TRPC4: variants seen among roughly 807,000 people sequenced by gnomAD.
TRPC4 encodes the protein transient receptor potential cation channel subfamily C member 4.
In TRPC4, 49 loss-of-function variants were observed where a neutral mutation model predicts 99.4. The ratio of observed to expected loss-of-function variants is 0.49; its 90% confidence interval spans 0.39 to 0.63. The LOEUF is 0.63. TRPC4 is among the 20% of genes least tolerant of loss of function. The pLI, the probability that TRPC4 is intolerant of heterozygous loss-of-function variation, is 0.00. For missense variants in TRPC4, 898 were observed against 1,152.9 expected, an observed-to-expected ratio of 0.78 and a Z score of 3.20; for synonymous variants, 454 against 425.9, an observed-to-expected ratio of 1.07 and a Z score of -0.81.
intron 1 of TRPC4, among the ~76,000 whole-genome samples, chr13:37,853,090 A>G (rs1224407022): frequency 6.6e-6 from 1 of 152,020 alleles, no homozygotes; most frequent in African/African-American, 2.4e-5. Context: ...GCGGAGGCCT[A>G]GGACTTTGAG....
At chr13:37,679,090 C>A (rs1407675492) in intron 4 of TRPC4, among the ~76,000 whole-genome samples, 3 of 151,932 alleles carry the variant, frequency 2.0e-5, no homozygotes, top group Non-Finnish European at 2.9e-5. Flanking sequence ...TGATCAAGGG[C>A]ATTTATAAAA....
At chr13:37,670,356 GT>G (rs200433318) in intron 5 of TRPC4, among the ~76,000 whole-genome samples, 3 of 151,866 alleles carry the variant, frequency 2.0e-5, no homozygotes, top group South Asian at 2.1e-4. Context: ...GGATGATACA[GT>G]TTTTTTTGGT....
At chr13:37,770,269 G>A (rs766308362) in intron 2 of TRPC4, among the ~76,000 whole-genome samples, 9 of 151,376 alleles carry the variant, frequency 5.9e-5, no homozygotes, top group Non-Finnish European at 1.0e-4. Flanking sequence ...ACTTCTCTAA[G>A]CTTCACTTTC....
At chr13:37,696,141 C>A (rs528854125) in intron 3 of TRPC4, among the ~76,000 whole-genome samples, 2 of 152,082 alleles carry the variant, frequency 1.3e-5, no homozygotes, top group Non-Finnish European at 2.9e-5. Flanking sequence ...AAAAGAAGAG[C>A]GCTTGTGCAG....
At chr13:37,748,956 C>T (rs1955860220) in intron 2 of TRPC4, among the ~76,000 whole-genome samples, 1 of 152,070 alleles carries the variant, frequency 6.6e-6, no homozygotes, top group African/African-American at 2.4e-5. Flanking sequence ...GGCTTTGTGT[C>T]CTCACCCAAA....
At chr13:37,756,326 G>A (rs965091986) in intron 2 of TRPC4, among the ~76,000 whole-genome samples, 6 of 152,046 alleles carry the variant, frequency 3.9e-5, no homozygotes, top group Non-Finnish European at 7.4e-5. Flanking sequence ...AAACTCGAAA[G>A]TATTATTTTA....
intron 1 of TRPC4, among the ~76,000 whole-genome samples, 188 bp downstream of exon 1, chr13:37,869,407 G>GT (rs1410400873): frequency 1.2e-4 from 19 of 152,208 alleles, no homozygotes; most frequent in African/African-American, 4.1e-4. Context: ...AGCTTCACAG[G>GT]TTTTTTTCCT....
chr13:37,786,319 C>CACACAT (rs1328982565), intron 1 of TRPC4, among the ~76,000 whole-genome samples: 2 of 150,872 alleles, frequency 1.3e-5, no homozygotes, highest in Non-Finnish European at 3.0e-5. Flanking sequence ...CACACACACA[C>CACACAT]ACACACACAC....
intron 1 of TRPC4, among the ~76,000 whole-genome samples, chr13:37,863,441 C>T (rs1357588507): frequency 6.6e-6 from 1 of 151,468 alleles, no homozygotes; most frequent in Non-Finnish European, 1.5e-5. Context: ...TGTGTGTTTA[C>T]ACATATATAC....
intron 3 of TRPC4, among the ~76,000 whole-genome samples, chr13:37,704,399 A>G (rs2138950776): frequency 6.6e-6 from 1 of 152,290 alleles, no homozygotes; most frequent in East Asian, 1.9e-4. Context: ...GCTATAAAAT[A>G]AGTCTGGCTG....
At chr13:37,720,253 T>C (rs1472192001) in intron 3 of TRPC4, among the ~76,000 whole-genome samples, 1 of 152,172 alleles carries the variant, frequency 6.6e-6, no homozygotes, top group Non-Finnish European at 1.5e-5. Context: ...AAAAATCTGT[T>C]ACAGCAGCAA....
chr13:37,730,495 C>T (rs998856401), intron 3 of TRPC4, among the ~76,000 whole-genome samples: 1 of 151,754 alleles, frequency 6.6e-6, no homozygotes, highest in Non-Finnish European at 1.5e-5. Flanking sequence ...TCCTATAACT[C>T]CAGAGAAGTA....
intron 1 of TRPC4, among the ~76,000 whole-genome samples, chr13:37,845,248 T>C (rs1308455362): frequency 5.3e-5 from 8 of 151,328 alleles, no homozygotes; most frequent in African/African-American, 1.7e-4. Flanking sequence ...ATGAGGATGA[T>C]GAAAAATTAG....
chr13:37,868,789 T>C (rs1959951316), intron 1 of TRPC4, among the ~76,000 whole-genome samples: 3 of 152,150 alleles, frequency 2.0e-5, no homozygotes, highest in Admixed American at 6.5e-5. Flanking sequence ...GGATACACCA[T>C]AGTGGATACA....
chr13:37,643,902 C>G (rs1358497851), intron 8 of TRPC4, among the ~76,000 whole-genome samples: 1 of 152,120 alleles, frequency 6.6e-6, no homozygotes, highest in Non-Finnish European at 1.5e-5. Flanking sequence ...TCTGCAATCT[C>G]ATATGGTGTT....
chr13:37,760,139 C>G lies in TRPC4; in HGVS notation c.379-13684G>C, dbSNP rs568280121. On this transcript the variant is annotated intron_variant, in intron 2 of 10. Coordinates refer to ENST00000379705, the MANE Select transcript of TRPC4 (RefSeq NM_016179.4). The stretch of plus-strand genomic sequence containing the variant: ...TAAACATTAGTTGAGATTCTACTTT[C>G]TATCAGACATTGTCCTTAGTATTAT... Among the ~76,000 whole-genome samples the G allele has an allele frequency of 5.3e-5, 8 of 151,998 alleles. No individual in the cohort carries two copies. In the South Asian group the frequency reaches 1.7e-3, roughly 32 times the overall value.
At chr13:37,848,921 C>T (rs571816577) in intron 1 of TRPC4, among the ~76,000 whole-genome samples, 1 of 152,200 alleles carries the variant, frequency 6.6e-6, no homozygotes, top group Non-Finnish European at 1.5e-5. Context: ...TTCTCAACAT[C>T]TTCTCTTCCT....
intron 2 of TRPC4, among the ~76,000 whole-genome samples, chr13:37,771,188 T>C (rs1956542010): frequency 6.6e-6 from 1 of 151,698 alleles, no homozygotes; most frequent in Non-Finnish European, 1.5e-5. Flanking sequence ...GGTCAGGAGC[T>C]CATTTGTAAG....
Position 37,868,182 on chromosome 13 carries a change from A to G in TRPC4, c.-28+1413T>C, listed in dbSNP as rs1593351973. On this transcript the variant is annotated intron_variant, in intron 1 of 10. Coordinates refer to ENST00000379705, the MANE Select transcript of TRPC4 (RefSeq NM_016179.4). ...GGAAATAAGTGCAACAGAAAAATAA[A>G]TAATATAACCATTACAAAATTTTAA... Among the ~76,000 whole-genome samples, 3 of 151,302 alleles carry G rather than the reference A, an allele frequency of 2.0e-5. No homozygotes were observed. In the East Asian group the frequency reaches 5.8e-4, roughly 29 times the overall value.
Sources: gnomAD v4.1 joint callset for allele counts (sites outside exome capture counted in the v4.1 genomes callset) on GRCh38, gnomAD v4.1.1 for gene constraint, MANE v1.5 for transcripts, NCBI Gene and HGNC (gene_info 2026-07-23, HGNC 2026-07-21) for gene names.